The following LSAMP variants were observed in gnomAD, a reference collection of about 807,000 sequenced individuals.
The protein encoded by LSAMP is limbic system-associated membrane protein.
LSAMP carries 7 observed loss-of-function variants against 38.6 expected under a neutral mutation model. The observed-to-expected ratio is 0.18, with a 90% CI of 0.10 to 0.34. The LOEUF is 0.34. Among genes scored for constraint, LSAMP ranks in the 10% least tolerant of loss-of-function variants. The pLI, the probability that LSAMP is intolerant of heterozygous loss-of-function variation, is 1.00. For missense variants in LSAMP, 313 were observed against 420.0 expected, an observed-to-expected ratio of 0.75 and a Z score of 2.23; for synonymous variants, 154 against 166.8, an observed-to-expected ratio of 0.92 and a Z score of 0.59.
At chr3:116,083,351 T>C (rs1472955670) in intron 2 of LSAMP, among the ~76,000 whole-genome samples, 1 of 152,224 alleles carries the variant, frequency 6.6e-6, no homozygotes, top group Non-Finnish European at 1.5e-5. Context: ...TTTACATAGA[T>C]CATCTAATCC....
chr3:116,331,540 A>G (rs1177112185), intron 1 of LSAMP, among the ~76,000 whole-genome samples: 2 of 152,202 alleles, frequency 1.3e-5, no homozygotes, highest in African/African-American at 4.8e-5. Flanking sequence ...TAAGATTAAA[A>G]GCAGATTCAC....
intron 1 of LSAMP, among the ~76,000 whole-genome samples, chr3:116,203,338 T>G (rs1487293302): frequency 2.0e-5 from 3 of 152,112 alleles, no homozygotes; most frequent in Non-Finnish European, 4.4e-5. Flanking sequence ...AGAATTTGAT[T>G]AAATGTCTTT....
At chr3:116,006,874 A>C (rs1940175053) in intron 3 of LSAMP, among the ~76,000 whole-genome samples, 1 of 152,224 alleles carries the variant, frequency 6.6e-6, no homozygotes, top group South Asian at 2.1e-4. Flanking sequence ...TGTTCTATGA[A>C]GACTAAATTT....
chr3:116,377,530 G>A (rs1185446854), intron 1 of LSAMP, among the ~76,000 whole-genome samples: 1 of 151,974 alleles, frequency 6.6e-6, no homozygotes. Context: ...GAATAGTGCT[G>A]CAATAAACAT....
At chr3:116,054,387 G>T (rs77177365) in intron 2 of LSAMP, among the ~76,000 whole-genome samples, 4 of 152,092 alleles carry the variant, frequency 2.6e-5, no homozygotes, top group Admixed American at 6.6e-5. Flanking sequence ...AGATTCCCAG[G>T]ATAAGGAGTA....
At chr3:116,109,712 G>A (rs1246284373) in intron 1 of LSAMP, among the ~76,000 whole-genome samples, 1 of 152,132 alleles carries the variant, frequency 6.6e-6, no homozygotes, top group Non-Finnish European at 1.5e-5. Context: ...GTGAGTTGAA[G>A]AGGTTTTAAG....
intron 1 of LSAMP, among the ~76,000 whole-genome samples, chr3:116,213,233 T>G (rs543482147): frequency 6.6e-6 from 1 of 152,296 alleles, no homozygotes; most frequent in South Asian, 2.1e-4. Flanking sequence ...AATCTCATAT[T>G]GAATGCCCAT....
chr3:116,003,273 G>T (rs1420690975), intron 3 of LSAMP, among the ~76,000 whole-genome samples: 1 of 152,096 alleles, frequency 6.6e-6, no homozygotes, highest in East Asian at 1.9e-4. Context: ...TTTACATTGC[G>T]TTACGTATTT....
intron 3 of LSAMP, among the ~76,000 whole-genome samples, chr3:115,918,102 C>G (rs1212268782): frequency 1.3e-5 from 2 of 152,164 alleles, no homozygotes; most frequent in African/African-American, 4.8e-5. Flanking sequence ...CTCTGGCCCT[C>G]TGATCCTTCA....
intron 1 of LSAMP, among the ~76,000 whole-genome samples, chr3:116,189,066 C>A (rs1041965324): frequency 6.6e-6 from 1 of 152,114 alleles, no homozygotes; most frequent in South Asian, 2.1e-4. Flanking sequence ...AGCTTCTATT[C>A]TAGTGAGGGA....
intron 1 of LSAMP, among the ~76,000 whole-genome samples, chr3:116,398,450 C>A (rs73861675): frequency 6.6e-6 from 1 of 152,018 alleles, no homozygotes; most frequent in African/African-American, 2.4e-5. Context: ...CATGAATCAA[C>A]GGATAATTTG....
At chr3:116,043,865 GA>G (rs1421199739) in intron 2 of LSAMP, among the ~76,000 whole-genome samples, 4 of 152,352 alleles carry the variant, frequency 2.6e-5, no homozygotes, top group Non-Finnish European at 5.9e-5. Context: ...AGAATGGCGT[GA>G]ACCGGTCAGG....
chr3:115,816,174 C>G (rs990139689), intron 6 of LSAMP, among the ~76,000 whole-genome samples: 1 of 152,144 alleles, frequency 6.6e-6, no homozygotes, highest in Admixed American at 6.5e-5. Context: ...CTTGTAAAGA[C>G]AGCACCTCAG....
At chr3:116,275,564 G>T (rs888312020) in intron 1 of LSAMP, among the ~76,000 whole-genome samples, 1 of 151,884 alleles carries the variant, frequency 6.6e-6, no homozygotes, top group Admixed American at 6.6e-5. Context: ...GAATTTCATT[G>T]CATTTTCCGT....
intron 2 of LSAMP, among the ~76,000 whole-genome samples, chr3:116,055,997 C>G (rs1439123744): frequency 6.6e-6 from 1 of 151,954 alleles, no homozygotes; most frequent in East Asian, 1.9e-4. Context: ...ATTCACACGA[C>G]TATTGAGGGA....
intron 1 of LSAMP, among the ~76,000 whole-genome samples, chr3:116,230,856 G>T (rs181522787): frequency 1.3e-5 from 2 of 152,194 alleles, no homozygotes; most frequent in African/African-American, 4.8e-5. Flanking sequence ...GAGATGAATT[G>T]CCTTCAGTTA....
chr3:116,311,995 T>A (rs1047219671), intron 1 of LSAMP, among the ~76,000 whole-genome samples: 15 of 152,198 alleles, frequency 9.9e-5, no homozygotes, highest in Non-Finnish European at 1.5e-5. Flanking sequence ...TTAATTTTCA[T>A]CTCTGGTGGA....
In LSAMP at chr3:116,266,339, G is replaced by A. The variant is rs142140570; in HGVS notation, c.155+178538C>T. ...TTCACATGGCTGTGGATTTCTAGTTGACAGTTAATGATGATGAGATGGGAA... is the reference window on the plus strand; with the variant it reads ...TTCACATGGCTGTGGATTTCTAGTTAACAGTTAATGATGATGAGATGGGAA... On this transcript the variant is annotated intron_variant, in intron 1 of 6. Coordinates refer to ENST00000490035, the MANE Select transcript of LSAMP (RefSeq NM_002338.5). Among the ~76,000 whole-genome samples the A allele has an allele frequency of 3.3e-3, 509 of 152,268 alleles. 8 individuals are homozygous for A. The highest frequency in any genetic ancestry group is 0.012 in the African/African-American group (487 of 41,540).
chr3:116,137,932 G>T (rs1239474978), intron 1 of LSAMP, among the ~76,000 whole-genome samples: 2 of 152,110 alleles, frequency 1.3e-5, no homozygotes, highest in Non-Finnish European at 2.9e-5. Flanking sequence ...GGAATCAACA[G>T]AAAACTAAGA....
Sources: allele counts gnomAD v4.1 joint callset (sites outside exome capture counted in the v4.1 genomes callset), GRCh38; gene constraint gnomAD v4.1.1; transcripts MANE v1.5; gene names NCBI Gene and HGNC (gene_info 2026-07-23, HGNC 2026-07-21).